TLE1: variants seen among roughly 807,000 people sequenced by gnomAD.
TLE1 encodes the protein TLE family member 1, transcriptional corepressor.
A neutral mutation model predicts 89.8 loss-of-function variants in TLE1; 21 were observed. The observed-to-expected ratio is 0.23, with a 90% CI of 0.17 to 0.34. The LOEUF (loss-of-function observed/expected upper bound fraction) is 0.34. TLE1 is among the 10% of genes least tolerant of loss of function. TLE1 has a pLI of 1.00. For synonymous variants in TLE1, 447 were observed against 407.6 expected, an observed-to-expected ratio of 1.10 and a Z score of -1.16; for missense variants, 795 against 1,031.2, an observed-to-expected ratio of 0.77 and a Z score of 3.14.
chr9:81,637,014 A>G (rs1251583698), intron 6 of TLE1, among the ~76,000 whole-genome samples: 1 of 148,986 alleles, frequency 6.7e-6, no homozygotes, highest in Non-Finnish European at 1.5e-5. Context: ...AAAAAAAAAA[A>G]AAGAAAAAAG....
chr9:81,611,458 T>C (rs1184852842), intron 13 of TLE1, among the ~76,000 whole-genome samples: 1 of 152,148 alleles, frequency 6.6e-6, no homozygotes, highest in African/African-American at 2.4e-5. Flanking sequence ...ATAAAAAAAA[T>C]CGACTTTGGT....
At chr9:81,604,876 G>A (rs1384136713) in intron 14 of TLE1, among the ~76,000 whole-genome samples, 6 of 152,050 alleles carry the variant, frequency 3.9e-5, no homozygotes, top group Non-Finnish European at 7.4e-5. Flanking sequence ...TTCACCCCAC[G>A]AAGTCTTTCT....
chr9:81,613,971 A>C (rs1273358093), intron 11 of TLE1, among the ~76,000 whole-genome samples: 1 of 142,448 alleles, frequency 7.0e-6, no homozygotes, highest in Non-Finnish European at 1.5e-5. Flanking sequence ...GCAGTGGCGC[A>C]ATCTCGGCCT....
At chr9:81,684,450 T>C (rs1834007513) in intron 4 of TLE1, among the ~76,000 whole-genome samples, 1 of 152,162 alleles carries the variant, frequency 6.6e-6, no homozygotes. Flanking sequence ...ACAGATCTAA[T>C]GTACACGATA....
intron 8 of TLE1, among the ~76,000 whole-genome samples, chr9:81,632,043 T>C (rs778399500): frequency 6.6e-6 from 1 of 151,824 alleles, no homozygotes; most frequent in Non-Finnish European, 1.5e-5. Flanking sequence ...TGAGCCGAGA[T>C]AGTGCTACTG....
chr9:81,684,228 A>G (rs1256486047), intron 4 of TLE1, among the ~76,000 whole-genome samples: 7 of 150,794 alleles, frequency 4.6e-5, no homozygotes, highest in African/African-American at 1.7e-4. Flanking sequence ...TGTTAGCCAC[A>G]GATCTTCTAG....
chr9:81,590,491 C>T (rs955242870), intron 16 of TLE1, among the ~76,000 whole-genome samples: 1 of 152,148 alleles, frequency 6.6e-6, no homozygotes, highest in African/African-American at 2.4e-5. Flanking sequence ...TTTGTGCTGC[C>T]GTGTAATCCA....
chr9:81,642,708 A>ATG (rs1828292439), intron 6 of TLE1, among the ~76,000 whole-genome samples: 1 of 138,510 alleles, frequency 7.2e-6, no homozygotes, highest in African/African-American at 2.8e-5. Context: ...AATGAAAGAA[A>ATG]AGAAAGAAAG....
intron 4 of TLE1, among the ~76,000 whole-genome samples, chr9:81,660,341 C>CAAA (rs36108203): frequency 8.7e-5 from 10 of 114,728 alleles, no homozygotes; most frequent in African/African-American, 3.5e-4. Context: ...AGGCTGTTCA[C>CAAA]AAAAAAAAAA....
At position 81,631,148 on chromosome 9, in the gene TLE1, C is replaced by T. The variant is rs1384736164; in HGVS notation, c.594+2200G>A. ...AAAGTTCGTTGACTGCTAACCCTAACTTATAGACTTACAAATAACCCACAG... is the reference window on the plus strand; with the variant it reads ...AAAGTTCGTTGACTGCTAACCCTAATTTATAGACTTACAAATAACCCACAG... On this transcript the variant is annotated intron_variant, in intron 8 of 19. Transcript: ENST00000376499. Among the ~76,000 whole-genome samples, 3 of 152,212 alleles carry T rather than the reference C, an allele frequency of 2.0e-5. No homozygotes were observed. The East Asian group carries it at 5.8e-4, about 29-fold the overall frequency.
chr9:81,645,250 T>C (rs1418656189), intron 6 of TLE1, among the ~76,000 whole-genome samples: 1 of 150,316 alleles, frequency 6.7e-6, no homozygotes, highest in Non-Finnish European at 1.5e-5. Flanking sequence ...TCCCAGCTAC[T>C]TGGGAGGGGA....
At chr9:81,620,336 T>C in intron 9 of TLE1, 105 bp downstream of exon 9, 1 of 907,076 alleles carries the variant, frequency 1.1e-6, no homozygotes, top group East Asian at 2.4e-5. Context: ...CTTTACAGTA[T>C]TATGTTTAAG....
chr9:81,655,809 C>T (rs1388328673), intron 4 of TLE1, among the ~76,000 whole-genome samples: 4 of 149,202 alleles, frequency 2.7e-5, no homozygotes, highest in Admixed American at 2.0e-4. Flanking sequence ...GCTGAGATCG[C>T]GCCACTATAC....
In TLE1 at chr9:81,622,625, C is replaced by T. The variant is rs185183452; in HGVS notation, c.595-2068G>A. Among the ~76,000 whole-genome samples the T allele has an allele frequency of 2.8e-3, 433 of 152,314 alleles. 1 individual carries two copies. The highest frequency in any genetic ancestry group is 0.01 in the African/African-American group (416 of 41,558). ...TGTTCAAAGTTACTACTGTAATTTC[C>T]GCTTGAGCGGCTTAAATGAAGCTTA... On this transcript the variant is annotated intron_variant, in intron 8 of 19. Transcript: ENST00000376499.
intron 4 of TLE1, among the ~76,000 whole-genome samples, chr9:81,663,780 C>T (rs1831122500): frequency 6.6e-6 from 1 of 151,900 alleles, no homozygotes; most frequent in Non-Finnish European, 1.5e-5. Flanking sequence ...GCACCTGCCA[C>T]CACGCCCGGC....
chr9:81,612,361 T>C (rs1823829959), intron 12 of TLE1: 1 of 997,786 alleles, frequency 1.0e-6, no homozygotes, highest in Admixed American at 6.0e-5. Flanking sequence ...AACTTTCCAT[T>C]CCCTGGTACC....
intron 8 of TLE1, among the ~76,000 whole-genome samples, chr9:81,628,712 A>G (rs1826205858): frequency 6.6e-6 from 1 of 152,026 alleles, no homozygotes; most frequent in Non-Finnish European, 1.5e-5. Context: ...TTAGAAGTCA[A>G]TTACAGAGTG....
At chr9:81,638,338 A>G (rs907923810) in intron 6 of TLE1, among the ~76,000 whole-genome samples, 2 of 152,234 alleles carry the variant, frequency 1.3e-5, no homozygotes, top group African/African-American at 4.8e-5. Flanking sequence ...GATGCTTAAC[A>G]TTATAAACAC....
chr9:81,606,289 A>G (rs1250035657), intron 14 of TLE1, among the ~76,000 whole-genome samples: 2 of 152,264 alleles, frequency 1.3e-5, no homozygotes, highest in African/African-American at 2.4e-5. Context: ...CCAAAGGATT[A>G]TAAATCATGC....
Sources: gnomAD v4.1 joint callset for allele counts (sites outside exome capture counted in the v4.1 genomes callset) on GRCh38, gnomAD v4.1.1 for gene constraint, MANE v1.5 for transcripts, NCBI Gene and HGNC (gene_info 2026-07-23, HGNC 2026-07-21) for gene names.